CRACD: variants seen among roughly 807,000 people sequenced by gnomAD.
CRACD encodes the protein capping protein inhibiting regulator of actin dynamics.
Under a neutral mutation model 106.8 loss-of-function variants are expected in CRACD, and 56 were observed. The ratio of observed to expected loss-of-function variants is 0.52; its 90% CI spans 0.42 to 0.66. CRACD has a LOEUF of 0.66. Ranked by LOEUF, CRACD falls within the 30% of genes least tolerant of loss-of-function variation. CRACD has a pLI of 0.00. For missense variants in CRACD, 1,730 were observed against 1,623.2 expected (o/e 1.07, Z -1.13); for synonymous variants, 754 against 670.8 (o/e 1.12, Z -1.92).
At chr4:56,059,897 T>C (rs930140980) in intron 1 of CRACD, among the ~76,000 whole-genome samples, 2 of 152,188 alleles carry the variant, frequency 1.3e-5, no homozygotes, top group African/African-American at 4.8e-5. Context: ...TTGGCCAGGC[T>C]GGTCTCAAAC....
chr4:56,288,846 T>C (rs577569495), intron 3 of CRACD, among the ~76,000 whole-genome samples: 22 of 152,350 alleles, frequency 1.4e-4, no homozygotes, highest in Non-Finnish European at 2.8e-4. Context: ...GCAGTGCTAC[T>C]TACAATAGCC....
At chr4:56,063,705 T>C (rs976712335) in intron 1 of CRACD, among the ~76,000 whole-genome samples, 1 of 152,170 alleles carries the variant, frequency 6.6e-6, no homozygotes, top group Non-Finnish European at 1.5e-5. Context: ...TGTTGTAGCA[T>C]CAGATTCCAT....
intron 1 of CRACD, among the ~76,000 whole-genome samples, chr4:56,055,766 G>C (rs1055730254): frequency 6.6e-6 from 1 of 152,152 alleles, no homozygotes; most frequent in Non-Finnish European, 1.5e-5. Context: ...AGGGTCACAG[G>C]TTCAATTCTT....
At chr4:56,305,171 T>C (rs1317515892) in intron 4 of CRACD, among the ~76,000 whole-genome samples, 1 of 152,120 alleles carries the variant, frequency 6.6e-6, no homozygotes, top group Non-Finnish European at 1.5e-5. Flanking sequence ...CAGTGAGCTA[T>C]GATCATGCCA....
In CRACD at chr4:56,324,559, A is replaced by G. The variant is rs7675497; in HGVS notation, c.3541+293A>G. On this transcript the variant is annotated intron_variant, in intron 10 of 10. Coordinates refer to ENST00000682029, the MANE Select transcript of CRACD (RefSeq NM_001393381.1). ...ATTTCTCAGTGTAAATACTCCCACC[A>G]TGGCCTGTTCAAAGCTATTATACCA... Among the ~76,000 whole-genome samples, 472 of 152,284 alleles carry G rather than the reference A, an allele frequency of 3.1e-3. 1 individual carries two copies. Among genetic ancestry groups the G allele is most frequent in the African/African-American group, 0.011 (452 of 41,550 alleles).
intron 1 of CRACD, among the ~76,000 whole-genome samples, chr4:56,131,062 A>G (rs937007835): frequency 7.9e-5 from 12 of 152,378 alleles, no homozygotes; most frequent in South Asian, 6.2e-4. Flanking sequence ...TTTGTGAATC[A>G]TAAAGCAGAA....
At chr4:56,284,448 G>T (rs773879398) in intron 3 of CRACD, among the ~76,000 whole-genome samples, 4 of 152,158 alleles carry the variant, frequency 2.6e-5, no homozygotes, top group Non-Finnish European at 4.4e-5. Context: ...ACATTGGCCA[G>T]GCATGGTGGC....
At position 56,315,780 on chromosome 4, in the gene CRACD, C is replaced by T; in HGVS notation, c.2278C>T (p.Gln760Ter). The T allele has an allele frequency of 6.2e-7, 1 of 1,614,240 alleles. No homozygotes were observed. Among genetic ancestry groups the T allele is most frequent in the Non-Finnish European group, 8.5e-7 (1 of 1,180,048 alleles). ...GGGACCCAGCGAAGAGACAGCCCCC[C>T]AGCCTCCTCCTGCTGGTGTTCGCGA... is the stretch of plus-strand genomic sequence containing the variant. ...MLGPSEETAP[Q>*]PPPAGVRELG... Residue 760 changes from glutamine (Q) to a stop codon, truncating the protein, a stop_gained, in exon 8 of 11, where the codon CAG becomes TAG. Coordinates refer to ENST00000682029, the MANE Select transcript of CRACD (RefSeq NM_001393381.1). LOFTEE classifies it high-confidence loss of function. This position sits in a 1 kb window ranked among gnomAD's most constrained non-coding sequence, Gnocchi z 4.1.
intron 1 of CRACD, among the ~76,000 whole-genome samples, chr4:56,066,307 T>G (rs1393975124): frequency 6.6e-6 from 1 of 152,004 alleles, no homozygotes; most frequent in Non-Finnish European, 1.5e-5. Context: ...TTTTTAAGGG[T>G]TTTTTGGAGC....
chr4:56,276,327 G>C (rs1356417783), intron 3 of CRACD, among the ~76,000 whole-genome samples: 1 of 152,066 alleles, frequency 6.6e-6, no homozygotes, highest in Non-Finnish European at 1.5e-5. Context: ...AATTAAATAG[G>C]ATTCTTTATG....
intron 1 of CRACD, among the ~76,000 whole-genome samples, chr4:56,112,223 C>G (rs543989212): frequency 6.6e-6 from 1 of 152,078 alleles, no homozygotes; most frequent in Non-Finnish European, 1.5e-5. Flanking sequence ...TAGATAGCAG[C>G]GAGAGAAAGT....
intron 1 of CRACD, among the ~76,000 whole-genome samples, chr4:56,087,850 T>C (rs1353338037): frequency 6.6e-6 from 1 of 151,972 alleles, no homozygotes; most frequent in African/African-American, 2.4e-5. Flanking sequence ...TCCTAAGGAG[T>C]GTGTCATCAC....
At chr4:56,299,786 T>C (rs1312936616) in intron 4 of CRACD, among the ~76,000 whole-genome samples, 2 of 151,258 alleles carry the variant, frequency 1.3e-5, no homozygotes, top group Non-Finnish European at 2.9e-5. Flanking sequence ...TCTGGTCTGC[T>C]GGCTTCCACC....
At chr4:56,183,224 A>T (rs930927415) in intron 2 of CRACD, among the ~76,000 whole-genome samples, 1 of 150,888 alleles carries the variant, frequency 6.6e-6, no homozygotes, top group African/African-American at 2.4e-5. Flanking sequence ...CAAGAGTGAA[A>T]CTCCGTCTCA....
intron 2 of CRACD, among the ~76,000 whole-genome samples, chr4:56,210,248 G>A (rs964926262): frequency 1.3e-5 from 2 of 152,120 alleles, no homozygotes; most frequent in African/African-American, 2.4e-5. Context: ...TTTATTTTAG[G>A]TTCAGGGATA....
chr4:56,267,514 T>C (rs1400124582), intron 2 of CRACD, among the ~76,000 whole-genome samples: 1 of 152,202 alleles, frequency 6.6e-6, no homozygotes, highest in East Asian at 1.9e-4. Context: ...AAATGAGATG[T>C]CACCATACAC....
chr4:56,053,433 A>G (rs1230088995), intron 1 of CRACD, among the ~76,000 whole-genome samples: 3 of 152,202 alleles, frequency 2.0e-5, no homozygotes, highest in Non-Finnish European at 4.4e-5. Context: ...GGAAGAATTA[A>G]GGCGTTTTTC....
At chr4:56,188,711 C>CACAGAGAGAGAGAGAG (rs1446016845) in intron 2 of CRACD, among the ~76,000 whole-genome samples, 12 of 113,164 alleles carry the variant, frequency 1.1e-4, no homozygotes, top group African/African-American at 4.3e-4. Flanking sequence ...CACACACACA[C>CACAGAGAGAGAGAGAG]AGAGAGAGAG....
At chr4:56,081,653 TG>T (rs1156948511) in intron 1 of CRACD, among the ~76,000 whole-genome samples, 1 of 152,132 alleles carries the variant, frequency 6.6e-6, no homozygotes, top group Non-Finnish European at 1.5e-5. Flanking sequence ...GGAACCTCTC[TG>T]GTTATTGGGC....
Sources: allele counts gnomAD v4.1 joint callset (sites outside exome capture counted in the v4.1 genomes callset), GRCh38; gene constraint gnomAD v4.1.1; non-coding constraint Gnocchi (gnomAD v3.1); transcripts MANE v1.5; gene names NCBI Gene and HGNC (gene_info 2026-07-23, HGNC 2026-07-21).